Variants in DHX57 observed in about 807,000 individuals in gnomAD.
DHX57 encodes DExH-box helicase 57, also known as putative ATP-dependent RNA helicase DHX57.
Under a neutral mutation model 156.2 loss-of-function variants are expected in DHX57, and 105 were observed. That is an observed-to-expected ratio of 0.67 (90% CI 0.57 to 0.79). The LOEUF is 0.79. DHX57 is among the 30% of genes least tolerant of loss of function. DHX57 has a pLI of 0.00. For synonymous variants in DHX57, 704 were observed against 595.6 expected (o/e 1.18, Z -2.65); for missense variants, 1,847 against 1,661.9 (o/e 1.11, Z -1.94).
intron 13 of DHX57, among the ~76,000 whole-genome samples, chr2:38,836,010 C>A (rs547707161): frequency 1.3e-5 from 2 of 152,176 alleles, no homozygotes; most frequent in African/African-American, 4.8e-5. Context: ...TGAACCAGTG[C>A]CAGACAATGA....
At chr2:38,807,293 G>A (rs917453670) in intron 21 of DHX57, among the ~76,000 whole-genome samples, 6 of 152,002 alleles carry the variant, frequency 3.9e-5, no homozygotes, top group African/African-American at 9.7e-5. Context: ...GACCTCAAGC[G>A]ATCTGCCTGC....
At chr2:38,823,374 A>C in intron 16 of DHX57, 105 bp from the exon 17 acceptor site, 1 of 1,194,550 alleles carries the variant, frequency 8.4e-7, no homozygotes. Flanking sequence ...TTTAAATAAA[A>C]AATTTTAAAA....
chr2:38,799,698 C>T (rs79922558), intron 23 of DHX57, among the ~76,000 whole-genome samples: 4 of 140,666 alleles, frequency 2.8e-5, no homozygotes, highest in African/African-American at 2.6e-5. Flanking sequence ...TGTGGTGAGC[C>T]GAGATCGCGC....
intron 21 of DHX57, chr2:38,810,966 G>A (rs1419865325): frequency 2.4e-6 from 2 of 835,184 alleles, no homozygotes; most frequent in Non-Finnish European, 4.0e-6. Context: ...CATCCTTGAT[G>A]CTGGTCACCT....
At position 38,854,181 on chromosome 2, in the gene DHX57, T is replaced by G. The variant is rs2124911691; in HGVS notation, c.1906-3A>C. The G allele has an allele frequency of 6.2e-7, 1 of 1,613,422 alleles. No individual in the cohort carries two copies. Among genetic ancestry groups the G allele is most frequent in the South Asian group, 1.1e-5 (1 of 90,978 alleles). On this transcript the variant is annotated splice_polypyrimidine_tract_variant and splice_region_variant and intron_variant, in intron 8 of 23. Transcript: ENST00000457308. ...TATAACAGTCTGGTGGCTGAGGACT[T>G]ACACATGAAAGGGCAATATAAATCA...
chr2:38,834,195 G>T (rs775347994), intron 13 of DHX57, among the ~76,000 whole-genome samples: 5 of 152,134 alleles, frequency 3.3e-5, no homozygotes, highest in Non-Finnish European at 7.4e-5. Flanking sequence ...GCCGGGTGTG[G>T]TGGCGCATGC....
intron 9 of DHX57, among the ~76,000 whole-genome samples, chr2:38,850,652 G>C (rs1672538033): frequency 6.6e-6 from 1 of 151,462 alleles, no homozygotes; most frequent in Non-Finnish European, 1.5e-5. Flanking sequence ...TTTTTAATGA[G>C]CTAATTTAAT....
At chr2:38,804,877 T>C (rs1234991819) in intron 22 of DHX57, among the ~76,000 whole-genome samples, 1 of 152,182 alleles carries the variant, frequency 6.6e-6, no homozygotes, top group African/African-American at 2.4e-5. Context: ...GCCCCTCTCC[T>C]GTCACTCTCT....
Position 38,854,081 on chromosome 2 carries a change from TCAA to T in DHX57, c.2000_2002del (p.Val667del), listed in dbSNP as rs1473104517. 1.9e-6 allele frequency: 3 copies of T among 1,613,684 alleles called. No homozygotes were observed. Among genetic ancestry groups the T allele is most frequent in the Non-Finnish European group, 2.5e-6 (3 of 1,179,790 alleles). On this transcript the variant is annotated inframe_deletion, in exon 9 of 24. Transcript: ENST00000457308. ...TTCTTCTGTCCTCTCATGAACTTCA[TCAA>T]CAATGATATGGGAAACTCCTTGTAG...
intron 6 of DHX57, among the ~76,000 whole-genome samples, chr2:38,857,574 T>C (rs188181681): frequency 1.3e-3 from 200 of 152,338 alleles, no homozygotes; most frequent in African/African-American, 4.7e-3. Context: ...ACATATGTGA[T>C]GGTGTTACAT....
In DHX57 at chr2:38,850,702, G is replaced by A. The variant is rs559333335; in HGVS notation, c.2031-2300C>T. Reference sequence around the variant, plus strand: ...TTTTTGTTTCTTTTTCAGGGAAATAGTCCAACAACAACAGGCAAATGGTTA... The same window carrying A: ...TTTTTGTTTCTTTTTCAGGGAAATAATCCAACAACAACAGGCAAATGGTTA... On this transcript the variant is annotated intron_variant, in intron 9 of 23. Coordinates refer to ENST00000457308, the MANE Select transcript of DHX57 (RefSeq NM_198963.3). Among the ~76,000 whole-genome samples, 453 of 152,234 alleles carry A rather than the reference G, an allele frequency of 3.0e-3. 4 individuals carry two copies. The highest frequency in any genetic ancestry group is 0.01 in the Middle Eastern group (3 of 294).
chr2:38,841,929 C>T (rs1012740546), intron 12 of DHX57, among the ~76,000 whole-genome samples: 8 of 152,076 alleles, frequency 5.3e-5, no homozygotes, highest in African/African-American at 1.7e-4. Flanking sequence ...TAAAAGCCCA[C>T]GAATAATGCT....
At chr2:38,820,483 G>C (rs1670756044) in intron 17 of DHX57, among the ~76,000 whole-genome samples, 1 of 152,174 alleles carries the variant, frequency 6.6e-6, no homozygotes. Context: ...TGGTCAGTGA[G>C]AGGTTGGTTT....
intron 13 of DHX57, among the ~76,000 whole-genome samples, chr2:38,833,459 G>A (rs899368026): frequency 2.6e-5 from 4 of 151,998 alleles, no homozygotes; most frequent in Admixed American, 6.6e-5. Context: ...TAGATATTAG[G>A]ATAGAGTAAG....
At chr2:38,866,658 T>C (rs970766500) in intron 2 of DHX57, among the ~76,000 whole-genome samples, 1 of 152,184 alleles carries the variant, frequency 6.6e-6, no homozygotes, top group Non-Finnish European at 1.5e-5. Flanking sequence ...CAGTGCCTGG[T>C]GCATGGTAGG....
chr2:38,828,855 T>G (rs1671239924), intron 13 of DHX57, among the ~76,000 whole-genome samples: 1 of 152,242 alleles, frequency 6.6e-6, no homozygotes, highest in Non-Finnish European at 1.5e-5. Flanking sequence ...GAGATTTATC[T>G]TTCTATAACC....
In DHX57 at chr2:38,811,538, G is replaced by A. The variant is rs566288453; in HGVS notation, c.3681+2283C>T. On this transcript the variant is annotated intron_variant, in intron 21 of 23. Transcript: ENST00000457308. ...TGGCTTCCTTGAAGTCTTCCTTCTG[G>A]CCAACATTGGCCAGGTAGGCAATAA... The A allele has an allele frequency of 1.9e-4, 209 of 1,113,652 alleles. 1 individual carries two copies. The highest frequency in any genetic ancestry group is 2.7e-4 in the Non-Finnish European group (198 of 746,034). The allele number at this position is 1,113,652 out of a possible 1,614,324, so 69.0% of individuals were successfully genotyped here.
chr2:38,814,306 CAA>C (rs1034271819), intron 20 of DHX57, among the ~76,000 whole-genome samples: 24 of 151,206 alleles, frequency 1.6e-4, no homozygotes, highest in Non-Finnish European at 3.2e-4. Flanking sequence ...TATCTTAAAG[CAA>C]AAAAAAGAGC....
At chr2:38,845,865 C>CT (rs5830544) in intron 11 of DHX57, among the ~76,000 whole-genome samples, 2,177 of 137,214 alleles carry the variant, frequency 0.016, 61 homozygotes, top group African/African-American at 0.053. Flanking sequence ...TAATAGCTAA[C>CT]TTTTTTTTTT....
Sources: gnomAD v4.1 joint callset for allele counts (sites outside exome capture counted in the v4.1 genomes callset) on GRCh38, gnomAD v4.1.1 for gene constraint, MANE v1.5 for transcripts, NCBI Gene and HGNC (gene_info 2026-07-23, HGNC 2026-07-21) for gene names.